Variants in BCHE observed in about 807,000 individuals in gnomAD.
BCHE encodes the protein butyrylcholinesterase.
In BCHE, 48 loss-of-function variants were observed where a neutral mutation model predicts 51.3. That is an observed-to-expected ratio of 0.94 (90% CI 0.74 to 1.19). BCHE has a LOEUF of 1.19. Ranked by LOEUF, BCHE falls within the 50% of genes most tolerant of loss-of-function variation. The pLI is 0.00. For missense variants in BCHE, 847 were observed against 708.2 expected (o/e 1.20, Z -2.23); for synonymous variants, 251 against 238.0 (o/e 1.05, Z -0.50).
intron 3 of BCHE, among the ~76,000 whole-genome samples, chr3:165,784,832 A>G (rs941229492): frequency 6.6e-6 from 1 of 151,800 alleles, no homozygotes; most frequent in Non-Finnish European, 1.5e-5. Context: ...ATATAAAAAT[A>G]TTTTAAATAA....
In BCHE at chr3:165,830,222, G is replaced by C; in HGVS notation, c.812C>G (p.Thr271Arg). 1 of 1,613,898 alleles carries C rather than the reference G, an allele frequency of 6.2e-7. No homozygotes were observed. The highest frequency in any genetic ancestry group is 8.5e-7 in the Non-Finnish European group (1 of 1,179,888). ...VTSLYEARNR[T>R]LNLAKLTGCS... ...ACCAGTCAATTTAGCTAAGTTCAACGTTCTGTTCCTAGCTTCATAAAGAGA... is the reference window on the plus strand; with the variant it reads ...ACCAGTCAATTTAGCTAAGTTCAACCTTCTGTTCCTAGCTTCATAAAGAGA... Residue 271 changes from threonine (T) to arginine (R), a missense_variant, in exon 2 of 4, where the codon ACG becomes AGG. Thr to Arg is a moderately conservative substitution (Grantham distance 71). Coordinates refer to ENST00000264381, the MANE Select transcript of BCHE (RefSeq NM_000055.4).
chr3:165,805,767 ACTT>A (rs1239335448), intron 2 of BCHE, among the ~76,000 whole-genome samples: 1 of 152,086 alleles, frequency 6.6e-6, no homozygotes, highest in Non-Finnish European at 1.5e-5. Context: ...TTTTTAAAAC[ACTT>A]CTTCTTACTT....
In BCHE at chr3:165,829,640, A is replaced by G; in HGVS notation, c.1394T>C (p.Met465Thr). Residue 465 changes from methionine (M) to threonine (T), a missense_variant, in exon 2 of 4, where the codon ATG becomes ACG. Coordinates refer to ENST00000264381, the MANE Select transcript of BCHE (RefSeq NM_000055.4). ...KLPWPEWMGVMHGYEIEFVFG... is the reference protein window; with the variant it reads ...KLPWPEWMGVTHGYEIEFVFG... ...GACAAATTCAATTTCATAGCCATGC[A>G]TCACTCCCATCCATTCTGGCCACGG... The G allele has an allele frequency of 6.2e-7, 1 of 1,613,890 alleles. No homozygotes were observed. Among genetic ancestry groups the G allele is most frequent in the Non-Finnish European group, 8.5e-7 (1 of 1,179,882 alleles).
chr3:165,831,752 G>A (rs1026714534), intron 1 of BCHE, among the ~76,000 whole-genome samples: 40 of 152,196 alleles, frequency 2.6e-4, no homozygotes, highest in African/African-American at 7.9e-4. Flanking sequence ...AATAAAGAGC[G>A]AAGGCTGAGG....
At chr3:165,808,332 C>A (rs7611187) in intron 2 of BCHE, among the ~76,000 whole-genome samples, 2 of 151,898 alleles carry the variant, frequency 1.3e-5, no homozygotes, top group South Asian at 2.1e-4. Context: ...GTGACAGATT[C>A]TAGTCATTAA....
At chr3:165,826,590 G>A (rs1714730902) in intron 2 of BCHE, among the ~76,000 whole-genome samples, 1 of 151,954 alleles carries the variant, frequency 6.6e-6, no homozygotes, top group Admixed American at 6.6e-5. Flanking sequence ...AAAATTTACT[G>A]ATCTTTATGT....
At chr3:165,813,839 T>C (rs547745698) in intron 2 of BCHE, among the ~76,000 whole-genome samples, 1 of 151,960 alleles carries the variant, frequency 6.6e-6, no homozygotes, top group East Asian at 1.9e-4. Context: ...TTAAGAAAGA[T>C]AAAAAACAAC....
At chr3:165,795,297 C>G (rs1005012493) in intron 2 of BCHE, among the ~76,000 whole-genome samples, 1 of 152,088 alleles carries the variant, frequency 6.6e-6, no homozygotes, top group Non-Finnish European at 1.5e-5. Flanking sequence ...TTCTCTTAAG[C>G]CTGTTCACAA....
chr3:165,773,078 A>AT lies in BCHE; in HGVS notation c.*303dup. 1 of 114,302 alleles carries AT rather than the reference A, an allele frequency of 8.7e-6. No individual in the cohort carries two copies. Among genetic ancestry groups the AT allele is most frequent in the Non-Finnish European group, 1.6e-5 (1 of 61,482 alleles). 7.1% of individuals were successfully genotyped at this position (114,302 alleles called of 1,614,324 possible). ...CGTGACTAAAAGCAGAGCACTGATA[A>AT]TTTTGGGGGGAAAAACTTAAATTTA... On this transcript the variant is annotated 3_prime_UTR_variant, in exon 4 of 4. Transcript: ENST00000264381.
chr3:165,805,064 C>A (rs1713820607), intron 2 of BCHE, among the ~76,000 whole-genome samples: 1 of 151,640 alleles, frequency 6.6e-6, no homozygotes, highest in Admixed American at 6.6e-5. Flanking sequence ...ATTCAGCAGG[C>A]TTTAAGCAGT....
At chr3:165,801,848 C>T (rs1226374178) in intron 2 of BCHE, among the ~76,000 whole-genome samples, 4 of 152,140 alleles carry the variant, frequency 2.6e-5, no homozygotes, top group African/African-American at 9.7e-5. Context: ...GTTTTTGCCT[C>T]TCATTATTCT....
At chr3:165,828,824 T>C (rs2108233799) in intron 2 of BCHE, among the ~76,000 whole-genome samples, 1 of 152,210 alleles carries the variant, frequency 6.6e-6, no homozygotes, top group Middle Eastern at 3.4e-3. Flanking sequence ...TTGGACATAC[T>C]ATCACAATAC....
chr3:165,835,413 T>G (rs1356379430), intron 1 of BCHE, among the ~76,000 whole-genome samples: 1 of 151,824 alleles, frequency 6.6e-6, no homozygotes, highest in African/African-American at 2.4e-5. Context: ...TCAAAATATT[T>G]TCCCTGTGTA....
At chr3:165,807,760 C>T (rs1713923073) in intron 2 of BCHE, among the ~76,000 whole-genome samples, 2 of 151,572 alleles carry the variant, frequency 1.3e-5, no homozygotes, top group South Asian at 2.1e-4. Flanking sequence ...GACAGGGTCT[C>T]ACTATGTTGG....
intron 2 of BCHE, among the ~76,000 whole-genome samples, chr3:165,823,194 T>G (rs1218038152): frequency 6.6e-6 from 1 of 152,142 alleles, no homozygotes; most frequent in Non-Finnish European, 1.5e-5. Flanking sequence ...CAAATTTGCA[T>G]GTCCTTTAGT....
chr3:165,827,815 C>G (rs1173687094), intron 2 of BCHE, among the ~76,000 whole-genome samples: 4 of 151,976 alleles, frequency 2.6e-5, no homozygotes, highest in Non-Finnish European at 4.4e-5. Context: ...ATCGTTCTTT[C>G]CTTGAGCAGA....
chr3:165,822,875 T>C (rs1714580865), intron 2 of BCHE, among the ~76,000 whole-genome samples: 1 of 152,152 alleles, frequency 6.6e-6, no homozygotes, highest in Admixed American at 6.6e-5. Context: ...GGGATAGTAT[T>C]GACAACATTT....
intron 2 of BCHE, among the ~76,000 whole-genome samples, chr3:165,823,874 C>T (rs955027855): frequency 6.6e-5 from 10 of 151,610 alleles, no homozygotes; most frequent in East Asian, 1.9e-4. Context: ...CCTCCTGCCT[C>T]GGCCTCCCAT....
Position 165,779,106 on chromosome 3 carries a change from T to G in BCHE, c.1685-5600A>C, listed in dbSNP as rs907019632. Among the ~76,000 whole-genome samples, 6 of 152,166 alleles carry G rather than the reference T, an allele frequency of 3.9e-5. No homozygotes were observed. The South Asian group carries it at 1.0e-3, about 26-fold the overall frequency. On this transcript the variant is annotated intron_variant, in intron 3 of 3. Transcript: ENST00000264381. Reference sequence around the variant, plus strand: ...TTATACCAGCATTACTCATACTGATTGTAATTTTGACAACATATTAATCTC... The same window carrying G: ...TTATACCAGCATTACTCATACTGATGGTAATTTTGACAACATATTAATCTC...
Sources: gnomAD v4.1 joint callset for allele counts (sites outside exome capture counted in the v4.1 genomes callset) on GRCh38, gnomAD v4.1.1 for gene constraint, MANE v1.5 for transcripts, NCBI Gene and HGNC (gene_info 2026-07-23, HGNC 2026-07-21) for gene names.